MACO1: variants seen among roughly 807,000 people sequenced by gnomAD.
MACO1 encodes macoilin 1, also known as macoilin.
In MACO1, 14 loss-of-function variants were observed where a neutral mutation model predicts 78.7. That is an observed-to-expected ratio of 0.18 (90% CI 0.12 to 0.28). The LOEUF (loss-of-function observed/expected upper bound fraction) is 0.28, where lower values mean the gene tolerates loss of function less well. Ranked by LOEUF, MACO1 falls within the 10% of genes least tolerant of loss-of-function variation. The probability of loss-of-function intolerance (pLI) is 1.00; values close to 1 mark genes in which losing one functional copy is unlikely to be tolerated. For missense variants in MACO1, 501 were observed against 799.0 expected (o/e 0.63, Z 4.50); for synonymous variants, 288 against 291.6 (o/e 0.99, Z 0.12).
chr1:25,467,340 G>A (rs2043228467), intron 6 of MACO1, among the ~76,000 whole-genome samples: 1 of 152,186 alleles, frequency 6.6e-6, no homozygotes, highest in Non-Finnish European at 1.5e-5. Flanking sequence ...AAGTTTCAAG[G>A]CCTGCAGAGG....
chr1:25,489,305 A>T lies in MACO1; in HGVS notation c.1617+12A>T. The T allele has an allele frequency of 1.2e-6, 2 of 1,612,426 alleles. No individual in the cohort carries two copies. The highest frequency in any genetic ancestry group is 1.7e-6 in the Non-Finnish European group (2 of 1,179,364). On this transcript the variant is annotated intron_variant, in intron 9 of 10. Transcript: ENST00000374343. ...AACTAAAAGTCCAGGTAAGGGGGGAACAAAAGACTTCCCTTGTATTTGAAT... is the reference window on the plus strand; with the variant it reads ...AACTAAAAGTCCAGGTAAGGGGGGATCAAAAGACTTCCCTTGTATTTGAAT...
At chr1:25,496,866 C>G (rs968361677) in intron 10 of MACO1, among the ~76,000 whole-genome samples, 2 of 152,196 alleles carry the variant, frequency 1.3e-5, no homozygotes, top group African/African-American at 4.8e-5. Flanking sequence ...AATCCTGGCT[C>G]TGTCACTAGC....
At chr1:25,467,731 A>T (rs1257860486) in intron 6 of MACO1, among the ~76,000 whole-genome samples, 3 of 134,188 alleles carry the variant, frequency 2.2e-5, no homozygotes, top group African/African-American at 2.7e-5. Flanking sequence ...TAGAATGATG[A>T]TTTTTTTTTT....
intron 1 of MACO1, among the ~76,000 whole-genome samples, chr1:25,434,817 CAT>C (rs1491275545): frequency 6.6e-6 from 1 of 152,098 alleles, no homozygotes; most frequent in Non-Finnish European, 1.5e-5. Flanking sequence ...TGCCTAGACA[CAT>C]GTGCACCAGA....
At chr1:25,431,348 G>A (rs1571942134) in intron 1 of MACO1, among the ~76,000 whole-genome samples, 170 bp downstream of exon 1, 1 of 147,096 alleles carries the variant, frequency 6.8e-6, no homozygotes, top group Non-Finnish European at 1.5e-5. Context: ...GTCCGCCCCG[G>A]GTGCGCGGGG....
chr1:25,487,202 G>C (rs2043441143), intron 8 of MACO1, among the ~76,000 whole-genome samples: 1 of 152,076 alleles, frequency 6.6e-6, no homozygotes, highest in Admixed American at 6.5e-5. Flanking sequence ...CACCCAGGCT[G>C]GAGTGCAGTG....
intron 6 of MACO1, among the ~76,000 whole-genome samples, chr1:25,479,766 T>C (rs1282920739): frequency 3.3e-5 from 5 of 152,118 alleles, no homozygotes; most frequent in African/African-American, 1.2e-4. Context: ...AATGCAAAAA[T>C]TGAGATATAT....
chr1:25,486,628 T>A (rs1168284046), intron 8 of MACO1, among the ~76,000 whole-genome samples: 1 of 152,212 alleles, frequency 6.6e-6, no homozygotes, highest in Non-Finnish European at 1.5e-5. Flanking sequence ...GAATTTTGCT[T>A]TGTCGTAATT....
chr1:25,445,132 T>TAAA (rs11297651), intron 1 of MACO1, among the ~76,000 whole-genome samples: 1 of 112,270 alleles, frequency 8.9e-6, no homozygotes, highest in Non-Finnish European at 1.8e-5. Flanking sequence ...CCATCTCTAT[T>TAAA]AAAAAAAAAA....
intron 6 of MACO1, among the ~76,000 whole-genome samples, chr1:25,461,345 AAAACTT>A (rs2043170849): frequency 6.6e-6 from 1 of 152,148 alleles, no homozygotes; most frequent in African/African-American, 2.4e-5. Flanking sequence ...CATGTACCCT[AAAACTT>A]AAAGTATAAT....
chr1:25,491,640 A>T (rs1264120151), intron 10 of MACO1, 56 bp downstream of exon 10: 3 of 1,516,900 alleles, frequency 2.0e-6, no homozygotes, highest in Non-Finnish European at 2.7e-6. Flanking sequence ...ACAGGGATGC[A>T]CAGGCCAGAC....
At chr1:25,431,426 C>T (rs1259234303) in intron 1 of MACO1, among the ~76,000 whole-genome samples, 2 of 149,132 alleles carry the variant, frequency 1.3e-5, no homozygotes, top group Non-Finnish European at 3.0e-5. Context: ...GCCGCCGCGC[C>T]GCCGTTGGAA....
chr1:25,451,547 A>G (rs968464127), intron 3 of MACO1, among the ~76,000 whole-genome samples: 1 of 151,502 alleles, frequency 6.6e-6, no homozygotes, highest in African/African-American at 2.5e-5. Context: ...TTGAAAATGC[A>G]TTTTGAAATG....
At chr1:25,446,346 C>T (rs996583173) in intron 1 of MACO1, among the ~76,000 whole-genome samples, 6 of 152,150 alleles carry the variant, frequency 3.9e-5, no homozygotes, top group African/African-American at 1.4e-4. Context: ...AAAGACTCTT[C>T]AAACAGATGT....
chr1:25,488,139 A>G (rs2043451481), intron 8 of MACO1, among the ~76,000 whole-genome samples: 3 of 151,952 alleles, frequency 2.0e-5, no homozygotes, highest in Non-Finnish European at 4.4e-5. Context: ...ATAACCTGAA[A>G]CTCCTGGGCT....
At chr1:25,451,598 C>T (rs1384897894) in intron 3 of MACO1, among the ~76,000 whole-genome samples, 1 of 151,998 alleles carries the variant, frequency 6.6e-6, no homozygotes, top group African/African-American at 2.4e-5. Flanking sequence ...TGTTCTTCCT[C>T]CTACATTGTG....
chr1:25,458,245 G>A (rs2043139807), intron 5 of MACO1, 146 bp from the exon 6 acceptor site: 4 of 1,044,580 alleles, frequency 3.8e-6, no homozygotes, highest in Non-Finnish European at 1.3e-6. Flanking sequence ...ATGAGGATTT[G>A]CTTCTTGATT....
chr1:25,454,731 C>T (rs552125934), intron 4 of MACO1, among the ~76,000 whole-genome samples: 1 of 152,034 alleles, frequency 6.6e-6, no homozygotes, highest in South Asian at 2.1e-4. Context: ...ATCCACCTGC[C>T]TCAGCCTCCC....
chr1:25,498,190 A>C, intron 10 of MACO1, 74 bp from the exon 11 acceptor site: 11 of 1,495,214 alleles, frequency 7.4e-6, no homozygotes, highest in Non-Finnish European at 1.0e-5. Context: ...GAATCTACTT[A>C]GGGATTGGCC....
Sources: allele counts gnomAD v4.1 joint callset (sites outside exome capture counted in the v4.1 genomes callset), GRCh38; gene constraint gnomAD v4.1.1; transcripts MANE v1.5; gene names NCBI Gene and HGNC (gene_info 2026-07-23, HGNC 2026-07-21).